RBMS3: variants seen among roughly 807,000 people sequenced by gnomAD.
RBMS3 encodes the protein RNA-binding motif, single-stranded-interacting protein 3.
In RBMS3, 27 loss-of-function variants were observed where a neutral mutation model predicts 66.8. That is an observed-to-expected ratio of 0.40 (90% CI 0.30 to 0.56). RBMS3 has a LOEUF of 0.56. Among genes scored for constraint, RBMS3 ranks in the 20% least tolerant of loss-of-function variants. The pLI is 0.40. For synonymous variants in RBMS3, 188 were observed against 183.0 expected (o/e 1.03, Z -0.22); for missense variants, 513 against 549.5 (o/e 0.93, Z 0.66).
At chr3:29,839,294 T>A (rs2058606602) in intron 6 of RBMS3, among the ~76,000 whole-genome samples, 1 of 152,140 alleles carries the variant, frequency 6.6e-6, no homozygotes, top group Non-Finnish European at 1.5e-5. Flanking sequence ...TTTGGTCTAA[T>A]CATTTATTCC....
chr3:29,715,121 CAGA>C (rs1339728379), intron 4 of RBMS3, among the ~76,000 whole-genome samples: 1 of 151,992 alleles, frequency 6.6e-6, no homozygotes, highest in Non-Finnish European at 1.5e-5. Flanking sequence ...AGATATTTTC[CAGA>C]AGGTGATTTC....
At chr3:29,973,059 G>T in intron 12 of RBMS3, among the ~76,000 whole-genome samples, 1 of 152,066 alleles carries the variant, frequency 6.6e-6, no homozygotes, top group East Asian at 1.9e-4. Flanking sequence ...TAATAGATCA[G>T]TCAGGCCAGT....
intron 1 of RBMS3, among the ~76,000 whole-genome samples, chr3:29,283,917 A>T (rs1194681851): frequency 6.6e-6 from 1 of 152,146 alleles, no homozygotes; most frequent in Non-Finnish European, 1.5e-5. Flanking sequence ...TGAGATGAAG[A>T]GTCAATGTGC....
intron 4 of RBMS3, among the ~76,000 whole-genome samples, chr3:29,693,114 T>C (rs1387534096): frequency 1.3e-5 from 2 of 152,170 alleles, no homozygotes; most frequent in South Asian, 2.1e-4. Context: ...GAGATACTTT[T>C]CTCTATGACA....
intron 4 of RBMS3, among the ~76,000 whole-genome samples, chr3:29,726,591 G>A (rs1403111163): frequency 1.3e-5 from 2 of 151,954 alleles, no homozygotes; most frequent in Non-Finnish European, 2.9e-5. Context: ...AAATCGTGAG[G>A]GAACTCCCAT....
chr3:29,998,865 G>A (rs1249104919), intron 14 of RBMS3, among the ~76,000 whole-genome samples: 2 of 152,104 alleles, frequency 1.3e-5, no homozygotes, highest in African/African-American at 4.8e-5. Context: ...CATGGGCAAG[G>A]ACTTCATGTC....
At chr3:29,675,142 CT>C (rs1044813987) in intron 4 of RBMS3, among the ~76,000 whole-genome samples, 6 of 152,168 alleles carry the variant, frequency 3.9e-5, no homozygotes, top group Non-Finnish European at 7.3e-5. Context: ...ACCATCTGAT[CT>C]TTGACAAACT....
At chr3:29,884,460 CTCTCT>C (rs2059815144) in intron 8 of RBMS3, among the ~76,000 whole-genome samples, 1 of 138,698 alleles carries the variant, frequency 7.2e-6, no homozygotes, top group African/African-American at 2.7e-5. Flanking sequence ...CTCTCTCTCT[CTCTCT>C]CTCTCCCCCC....
chr3:29,562,956 T>A (rs1379532), intron 3 of RBMS3, among the ~76,000 whole-genome samples: 50,127 of 151,948 alleles, frequency 0.33, 9,876 homozygotes, highest in African/African-American at 0.54. Flanking sequence ...GTACTGGAGG[T>A]TGGAGACATG....
intron 6 of RBMS3, among the ~76,000 whole-genome samples, chr3:29,764,157 GACA>G (rs1377715233): frequency 6.6e-6 from 1 of 151,978 alleles, no homozygotes; most frequent in Non-Finnish European, 1.5e-5. Flanking sequence ...AGACCCTTCA[GACA>G]GACACTTGCA....
At chr3:29,297,152 C>T (rs891983265) in intron 1 of RBMS3, among the ~76,000 whole-genome samples, 5 of 151,584 alleles carry the variant, frequency 3.3e-5, no homozygotes, top group African/African-American at 7.3e-5. Context: ...AATACGATTT[C>T]CCCAGAGTTT....
chr3:29,457,076 AGTGTAT>A (rs1168836474), intron 2 of RBMS3, among the ~76,000 whole-genome samples: 1 of 152,152 alleles, frequency 6.6e-6, no homozygotes, highest in Non-Finnish European at 1.5e-5. Flanking sequence ...CAGGTAGAAT[AGTGTAT>A]GTGAGCCTGT....
intron 2 of RBMS3, among the ~76,000 whole-genome samples, chr3:29,478,771 G>A (rs192490726): frequency 7.7e-4 from 118 of 152,308 alleles, no homozygotes; most frequent in African/African-American, 2.4e-3. Context: ...TTTCCATTAC[G>A]TATTCGGTTG....
At chr3:29,910,292 T>C (rs1231541677) in intron 10 of RBMS3, among the ~76,000 whole-genome samples, 1 of 152,096 alleles carries the variant, frequency 6.6e-6, no homozygotes, top group Non-Finnish European at 1.5e-5. Context: ...TAACAGAAAC[T>C]ACTCGTGGAA....
chr3:29,447,748 A>G (rs911851902), intron 2 of RBMS3, among the ~76,000 whole-genome samples: 2 of 152,198 alleles, frequency 1.3e-5, no homozygotes, highest in African/African-American at 4.8e-5. Context: ...ATTTTGTTCA[A>G]ATGATTTTTT....
chr3:29,347,002 C>G (rs1559505290), intron 1 of RBMS3, among the ~76,000 whole-genome samples: 1 of 152,026 alleles, frequency 6.6e-6, no homozygotes, highest in Non-Finnish European at 1.5e-5. Context: ...AGGTTTTTTT[C>G]TAGTTGTGCT....
At chr3:29,492,353 G>T (rs886077629) in intron 3 of RBMS3, among the ~76,000 whole-genome samples, 1 of 152,124 alleles carries the variant, frequency 6.6e-6, no homozygotes, top group African/African-American at 2.4e-5. Context: ...AGCAATTATA[G>T]AAAATTGTGT....
intron 1 of RBMS3, among the ~76,000 whole-genome samples, chr3:29,401,315 T>C (rs2039800011): frequency 6.6e-6 from 1 of 152,176 alleles, no homozygotes; most frequent in Non-Finnish European, 1.5e-5. Context: ...TAAGATATCA[T>C]CACATCATTA....
chr3:29,952,089 CTGTG>C (rs1695717874), intron 12 of RBMS3, among the ~76,000 whole-genome samples: 1 of 151,848 alleles, frequency 6.6e-6, no homozygotes, highest in East Asian at 1.9e-4. Flanking sequence ...AAAAACATGA[CTGTG>C]TGAAAATGAA....
Sources: gnomAD v4.1 joint callset for allele counts (sites outside exome capture counted in the v4.1 genomes callset) on GRCh38, gnomAD v4.1.1 for gene constraint, MANE v1.5 for transcripts, NCBI Gene and HGNC (gene_info 2026-07-23, HGNC 2026-07-21) for gene names.